Variants in GPHN observed in about 807,000 individuals in gnomAD.
The protein encoded by GPHN is gephyrin.
GPHN carries 17 observed loss-of-function variants against 95.5 expected under a neutral mutation model. The ratio of observed to expected loss-of-function variants is 0.18; its 90% CI spans 0.12 to 0.27. The LOEUF (loss-of-function observed/expected upper bound fraction) is 0.27, where lower values mean the gene tolerates loss of function less well. GPHN is among the 10% of genes least tolerant of loss of function. The probability of loss-of-function intolerance (pLI) is 1.00; values close to 1 mark genes in which losing one functional copy is unlikely to be tolerated. For missense variants in GPHN, 660 were observed against 978.1 expected (o/e 0.67, Z 4.34); for synonymous variants, 320 against 322.5 (o/e 0.99, Z 0.08).
intron 2 of GPHN, among the ~76,000 whole-genome samples, chr14:66,750,184 C>T (rs1566903186): frequency 6.6e-6 from 1 of 151,822 alleles, no homozygotes; most frequent in Non-Finnish European, 1.5e-5. Flanking sequence ...TCTAAATATT[C>T]TTCTATTCTA....
the GPHN span, among the ~76,000 whole-genome samples, chr14:67,202,095 G>A: frequency 6.6e-6 from 1 of 152,130 alleles, no homozygotes; most frequent in Non-Finnish European, 1.5e-5. Context: ...TGGTCGATTG[G>A]TACGTGTTCA....
chr14:66,740,895 T>C (rs1185257887), intron 2 of GPHN, among the ~76,000 whole-genome samples: 1 of 152,170 alleles, frequency 6.6e-6, no homozygotes, highest in Admixed American at 6.5e-5. Flanking sequence ...ATTAGGTAAT[T>C]TATAAAGAAA....
At chr14:67,691,821 A>C in the GPHN span, 5 of 153,650 alleles carry the variant, frequency 3.3e-5, no homozygotes, top group Non-Finnish European at 7.2e-5. Flanking sequence ...ATGAGACACT[A>C]CAGGTTTTTA....
chr14:67,327,011 C>G, the GPHN span, among the ~76,000 whole-genome samples: 1 of 151,946 alleles, frequency 6.6e-6, no homozygotes, highest in Non-Finnish European at 1.5e-5. Flanking sequence ...CCCGTCTCTA[C>G]TAAAAATACA....
intron 9 of GPHN, among the ~76,000 whole-genome samples, chr14:66,972,317 A>T (rs1335440219): frequency 6.6e-6 from 1 of 151,478 alleles, no homozygotes; most frequent in Non-Finnish European, 1.5e-5. Flanking sequence ...TAGAAATAGT[A>T]TTACTGGCAA....
At chr14:66,795,890 T>C (rs2060139146) in intron 3 of GPHN, among the ~76,000 whole-genome samples, 1 of 152,134 alleles carries the variant, frequency 6.6e-6, no homozygotes, top group African/African-American at 2.4e-5. Flanking sequence ...TTAATTTCTG[T>C]AGTCACTCTG....
chr14:67,133,257 C>G (rs543824203), intron 17 of GPHN, among the ~76,000 whole-genome samples: 1 of 152,108 alleles, frequency 6.6e-6, no homozygotes, highest in African/African-American at 2.4e-5. Context: ...TCCACACATC[C>G]TAGACTTTTT....
At chr14:66,825,655 T>C (rs948138921) in intron 4 of GPHN, among the ~76,000 whole-genome samples, 2 of 152,192 alleles carry the variant, frequency 1.3e-5, no homozygotes, top group African/African-American at 4.8e-5. Context: ...AAATGCAATT[T>C]TAAGAATTAT....
intron 1 of GPHN, among the ~76,000 whole-genome samples, chr14:66,609,246 T>C (rs1216288579): frequency 6.6e-6 from 1 of 152,180 alleles, no homozygotes; most frequent in Non-Finnish European, 1.5e-5. Context: ...GAATTTATTC[T>C]TTTTAAGGCT....
chr14:66,801,628 C>G (rs78084146), intron 3 of GPHN, among the ~76,000 whole-genome samples: 42 of 128,222 alleles, frequency 3.3e-4, no homozygotes, highest in African/African-American at 1.2e-3. Flanking sequence ...TCCCCCCGCT[C>G]TCTCCCCCCT....
At chr14:67,559,106 G>C in the GPHN span, among the ~76,000 whole-genome samples, 1 of 152,174 alleles carries the variant, frequency 6.6e-6, no homozygotes, top group African/African-American at 2.4e-5. Context: ...TGCCCAGCCA[G>C]GCTGCTCCTC....
At chr14:67,188,774 T>TTTCCTTCCTTCCTTCCTTCCTTCC in the GPHN span, among the ~76,000 whole-genome samples, 2 of 150,952 alleles carry the variant, frequency 1.3e-5, no homozygotes, top group African/African-American at 4.9e-5. Context: ...CTCAGTTTCT[T>TTTCCTTCCTTCCTTCCTTCCTTCC]TTCCTTCCTT....
At chr14:67,194,225 G>T in the GPHN span, among the ~76,000 whole-genome samples, 1 of 151,340 alleles carries the variant, frequency 6.6e-6, no homozygotes, top group Admixed American at 6.6e-5. Context: ...TTAGCCAGGT[G>T]TGATGGCACA....
chr14:67,255,334 T>C, the GPHN span, among the ~76,000 whole-genome samples: 3 of 152,192 alleles, frequency 2.0e-5, no homozygotes, highest in Non-Finnish European at 4.4e-5. Context: ...TTGTGAGTTA[T>C]TTACGTGATG....
intron 8 of GPHN, among the ~76,000 whole-genome samples, chr14:66,933,902 G>A (rs2066958606): frequency 6.6e-6 from 1 of 152,050 alleles, no homozygotes; most frequent in African/African-American, 2.4e-5. Context: ...ACTTTGGGAG[G>A]CTGAGGTGGG....
At chr14:67,326,182 A>G in the GPHN span, among the ~76,000 whole-genome samples, 27 of 92,412 alleles carry the variant, frequency 2.9e-4, no homozygotes, top group African/African-American at 1.2e-3. Flanking sequence ...TATCTACTTC[A>G]CTTTGAATTG....
intron 8 of GPHN, among the ~76,000 whole-genome samples, chr14:66,945,941 T>G (rs998195203): frequency 2.0e-5 from 3 of 152,200 alleles, no homozygotes; most frequent in African/African-American, 7.2e-5. Context: ...TTCTGGGAAA[T>G]GTCAAAGATA....
At chr14:67,473,076 A>T in the GPHN span, 1 of 275,808 alleles carries the variant, frequency 3.6e-6, no homozygotes, top group Non-Finnish European at 6.9e-6. The surrounding 1 kb of genome is among the most constrained non-coding windows in gnomAD (Gnocchi z 6.5). Context: ...CTGCGGCCCC[A>T]TTCTCATTGT....
At chr14:66,827,147 T>C (rs899203333) in intron 4 of GPHN, among the ~76,000 whole-genome samples, 3 of 152,050 alleles carry the variant, frequency 2.0e-5, no homozygotes, top group Non-Finnish European at 2.9e-5. Context: ...TAGCTGGGCA[T>C]GGTGGCACAC....
Sources: allele counts gnomAD v4.1 joint callset (sites outside exome capture counted in the v4.1 genomes callset), GRCh38; gene constraint gnomAD v4.1.1; non-coding constraint Gnocchi (gnomAD v3.1); transcripts MANE v1.5; gene names NCBI Gene and HGNC (gene_info 2026-07-23, HGNC 2026-07-21).